Variants in E2F2 observed in about 807,000 individuals in gnomAD.
E2F2 encodes the protein E2F transcription factor 2.
E2F2 carries 22 observed loss-of-function variants against 42.2 expected under a neutral mutation model. The observed-to-expected ratio is 0.52, with a 90% CI of 0.37 to 0.74. The LOEUF is 0.74. E2F2 is among the 30% of genes least tolerant of loss of function. The pLI is 0.00. For synonymous variants in E2F2, 248 were observed against 251.6 expected (o/e 0.99, Z 0.13); for missense variants, 481 against 557.8 (o/e 0.86, Z 1.39).
intron 2 of E2F2, among the ~76,000 whole-genome samples, chr1:23,524,092 C>A (rs144287473): frequency 0.17 from 9,253 of 54,972 alleles, 1,417 homozygotes; most frequent in East Asian, 0.59. Context: ...ACAACAACAA[C>A]AACAACAACA....
rs1642833366 is a variant in E2F2 at position 23,507,953 on chromosome 1, CA to C, written c.*1926del. 6.6e-6 allele frequency: 1 copy of C among 152,286 alleles called. No individual in the cohort carries two copies. The highest frequency in any genetic ancestry group is 2.4e-5 in the African/African-American group (1 of 41,464). 9.4% of individuals were successfully genotyped at this position (152,286 alleles called of 1,614,324 possible). ...TCAGAGATGGCACATGGCTAAATGG[CA>C]GCCCAGTGGAGACCTCAGAGCAGCC... On this transcript the variant is annotated 3_prime_UTR_variant, in exon 7 of 7. Coordinates refer to ENST00000361729, the MANE Select transcript of E2F2 (RefSeq NM_004091.4).
At chr1:23,528,134 C>T (rs1368953615) in intron 1 of E2F2, among the ~76,000 whole-genome samples, 3 of 152,188 alleles carry the variant, frequency 2.0e-5, no homozygotes, top group African/African-American at 7.2e-5. Context: ...TGATGCCATG[C>T]GCCTGGCCAG....
Position 23,508,619 on chromosome 1 carries a change from A to G in E2F2, c.*1261T>C, listed in dbSNP as rs1457586712. On this transcript the variant is annotated 3_prime_UTR_variant, in exon 7 of 7. Coordinates refer to ENST00000361729, the MANE Select transcript of E2F2 (RefSeq NM_004091.4). ...AGAGGTAACATGAGTTCCTCTCCCC[A>G]TTAGCTGTGAAGGCCTGGTCTGCCA... 1 of 152,234 alleles carries G rather than the reference A, an allele frequency of 6.6e-6. No homozygotes were observed. Among genetic ancestry groups the G allele is most frequent in the Non-Finnish European group, 1.5e-5 (1 of 68,078 alleles). The allele number at this position is 152,234 out of a possible 1,614,324, so 9.4% of individuals were successfully genotyped here. A position where few individuals can be genotyped will look rare whatever the true frequency, so the allele number is the denominator to read the frequency against.
chr1:23,512,914 G>A (rs2148690103), intron 6 of E2F2, among the ~76,000 whole-genome samples: 1 of 151,824 alleles, frequency 6.6e-6, no homozygotes. Context: ...CCTGGTTCAA[G>A]TGACTATTGT....
rs1643313839 is a variant in E2F2 at position 23,530,140 on chromosome 1, C to T, written c.252+402G>A. Among the ~76,000 whole-genome samples, 1 of 152,212 alleles carries T rather than the reference C, an allele frequency of 6.6e-6. No homozygotes were observed. The highest frequency in any genetic ancestry group is 2.4e-5 in the African/African-American group (1 of 41,460). On this transcript the variant is annotated intron_variant, in intron 1 of 6. Transcript: ENST00000361729. The surrounding 1 kb of genome is among the most constrained non-coding windows in gnomAD (Gnocchi z 4.4). ...ATCCCTCTGTCTTACCAAAGTCCCA[C>T]AGTGTCCCCAGGCCATACTCTTTGC...
intron 6 of E2F2, among the ~76,000 whole-genome samples, chr1:23,513,370 A>G (rs939843202): frequency 1.3e-5 from 2 of 152,048 alleles, no homozygotes; most frequent in Non-Finnish European, 2.9e-5. Context: ...AGCCTGGAGA[A>G]ATGTCAGAGA....
chr1:23,530,498 C>A lies in E2F2; in HGVS notation c.252+44G>T. The stretch of plus-strand genomic sequence containing the variant: ...AGGCACCCCTCCCTCCTTTCCCACA[C>A]CTGGAAAAGCATAGGGGGAAGCGGT... On this transcript the variant is annotated intron_variant, in intron 1 of 6. Coordinates refer to ENST00000361729, the MANE Select transcript of E2F2 (RefSeq NM_004091.4). This position sits in a 1 kb window ranked among gnomAD's most constrained non-coding sequence, Gnocchi z 4.4. The A allele has an allele frequency of 6.2e-7, 1 of 1,602,460 alleles. No homozygotes were observed. Among genetic ancestry groups the A allele is most frequent in the Non-Finnish European group, 8.5e-7 (1 of 1,174,766 alleles).
chr1:23,512,149 G>A (rs1642921392), intron 6 of E2F2, among the ~76,000 whole-genome samples: 1 of 152,174 alleles, frequency 6.6e-6, no homozygotes, highest in African/African-American at 2.4e-5. Context: ...AGTGAGGCAA[G>A]ATCACGCCAC....
intron 5 of E2F2, 70 bp from the exon 6 acceptor site, chr1:23,516,597 G>T: frequency 7.7e-7 from 1 of 1,291,090 alleles, no homozygotes; most frequent in Non-Finnish European, 1.1e-6. Context: ...TGTATGGACA[G>T]ACGCACGTGG....
At position 23,521,199 on chromosome 1, in the gene E2F2, A is replaced by T. The variant is rs889614895; in HGVS notation, c.579-128T>A. The T allele has an allele frequency of 7.0e-6, 8 of 1,140,806 alleles. No individual in the cohort carries two copies. The Admixed American group carries it at 1.7e-4, about 24-fold the overall frequency. 70.7% of individuals were successfully genotyped at this position (1,140,806 alleles called of 1,614,324 possible). On this transcript the variant is annotated intron_variant, in intron 3 of 6. Coordinates refer to ENST00000361729, the MANE Select transcript of E2F2 (RefSeq NM_004091.4). Reference sequence around the variant, plus strand: ...CAGTGGTCATGCCTGTCTCTCAGGGAGCTACCAGGGATTGGAACCAGAGGT... The same window carrying T: ...CAGTGGTCATGCCTGTCTCTCAGGGTGCTACCAGGGATTGGAACCAGAGGT...
At chr1:23,517,594 C>T (rs1643049194) in intron 5 of E2F2, among the ~76,000 whole-genome samples, 1 of 152,176 alleles carries the variant, frequency 6.6e-6, no homozygotes, top group African/African-American at 2.4e-5. Flanking sequence ...TATAATATGC[C>T]AGGCTCTGGG....
chr1:23,522,952 G>A (rs2124252540), intron 2 of E2F2, among the ~76,000 whole-genome samples: 1 of 152,268 alleles, frequency 6.6e-6, no homozygotes, highest in Non-Finnish European at 1.5e-5. Flanking sequence ...ACAGTGCTCT[G>A]GGCAGCCTTG....
At chr1:23,514,610 C>G (rs1642980451) in intron 6 of E2F2, among the ~76,000 whole-genome samples, 1 of 151,266 alleles carries the variant, frequency 6.6e-6, no homozygotes, top group Admixed American at 6.6e-5. Flanking sequence ...GGTGGATCAC[C>G]TGAGGTCAAG....
At chr1:23,519,911 C>G (rs971278557) in intron 4 of E2F2, among the ~76,000 whole-genome samples, 3 of 151,938 alleles carry the variant, frequency 2.0e-5, no homozygotes, top group Admixed American at 6.6e-5. Context: ...AACCCCGTCT[C>G]TACATAAAAT....
intron 4 of E2F2, among the ~76,000 whole-genome samples, 170 bp downstream of exon 4, chr1:23,520,743 T>TA (rs1643127001): frequency 1.3e-5 from 2 of 151,854 alleles, no homozygotes; most frequent in African/African-American, 4.8e-5. Context: ...TCCTTGTCTC[T>TA]AAAAAAAATA....
chr1:23,526,229 TGTCACTAGAGAAAGGGCC>T (rs1643248237), intron 1 of E2F2, among the ~76,000 whole-genome samples: 1 of 152,198 alleles, frequency 6.6e-6, no homozygotes, highest in African/African-American at 2.4e-5. Flanking sequence ...AGCCCCATGC[TGTCACTAGAGAAAGGGCC>T]AGTCACTGGC....
At chr1:23,522,313 A>T (rs1357471679) in intron 2 of E2F2, among the ~76,000 whole-genome samples, 2 of 152,242 alleles carry the variant, frequency 1.3e-5, no homozygotes, top group African/African-American at 4.8e-5. Flanking sequence ...GGTTAAATGC[A>T]CATTTCCACC....
intron 1 of E2F2, among the ~76,000 whole-genome samples, chr1:23,528,992 T>G (rs1264355579): frequency 6.6e-6 from 1 of 152,096 alleles, no homozygotes; most frequent in African/African-American, 2.4e-5. Flanking sequence ...GCAAGAGGAT[T>G]GCTTGAGCCC....
In E2F2 at chr1:23,530,638, C is replaced by T. The variant is rs760250765; in HGVS notation, c.156G>A (p.Thr52=). ...TGCCTGGCGCCGCTGCGGGAGGCGC[C>T]GTCTGCGGGTACAGCGGTGTGTAGT... ...ATYYTPLYPQ[T]APPAAAPGTC... Residue 52 remains threonine, a synonymous_variant, in exon 1 of 7, where the codon ACG becomes ACA. Coordinates refer to ENST00000361729, the MANE Select transcript of E2F2 (RefSeq NM_004091.4). The surrounding 1 kb of genome is among the most constrained non-coding windows in gnomAD (Gnocchi z 4.4). The T allele has an allele frequency of 6.2e-7, 1 of 1,613,262 alleles. No homozygotes were observed. The highest frequency in any genetic ancestry group is 1.1e-5 in the South Asian group (1 of 91,072).
Sources: allele counts gnomAD v4.1 joint callset (sites outside exome capture counted in the v4.1 genomes callset), GRCh38; gene constraint gnomAD v4.1.1; non-coding constraint Gnocchi (gnomAD v3.1); transcripts MANE v1.5; gene names NCBI Gene and HGNC (gene_info 2026-07-23, HGNC 2026-07-21).